The following KCTD16 variants were observed in gnomAD, a reference collection of about 807,000 sequenced individuals.
The protein encoded by KCTD16 is BTB/POZ domain-containing protein KCTD16.
KCTD16 carries 13 observed loss-of-function variants against 33.2 expected under a neutral mutation model. The observed-to-expected ratio is 0.39, with a 90% CI of 0.25 to 0.62. The LOEUF is 0.62. Ranked by LOEUF, KCTD16 falls within the 20% of genes least tolerant of loss-of-function variation. The pLI is 0.50. For synonymous variants in KCTD16, 197 were observed against 195.3 expected, an observed-to-expected ratio of 1.01 and a Z score of -0.07; for missense variants, 441 against 525.1, an observed-to-expected ratio of 0.84 and a Z score of 1.57.
At chr5:144,199,039 T>C (rs879517649) in intron 2 of KCTD16, among the ~76,000 whole-genome samples, 1 of 152,176 alleles carries the variant, frequency 6.6e-6, no homozygotes, top group Non-Finnish European at 1.5e-5. Context: ...CAAATTCCAT[T>C]TACACATATA....
chr5:144,275,240 G>A (rs544519816), intron 3 of KCTD16, among the ~76,000 whole-genome samples: 1 of 152,226 alleles, frequency 6.6e-6, no homozygotes, highest in South Asian at 2.1e-4. Flanking sequence ...CAGTGATCAG[G>A]TCTGGACAAC....
chr5:144,471,653 T>C (rs1042657721), intron 3 of KCTD16, among the ~76,000 whole-genome samples: 11 of 152,204 alleles, frequency 7.2e-5, no homozygotes, highest in Admixed American at 5.2e-4. Flanking sequence ...AAATGTATGC[T>C]GGCAGACAGA....
chr5:144,299,548 T>A (rs1231119294), intron 3 of KCTD16, among the ~76,000 whole-genome samples: 1 of 152,238 alleles, frequency 6.6e-6, no homozygotes, highest in South Asian at 2.1e-4. Flanking sequence ...TTGTTTTGTT[T>A]TGAGTATAGG....
chr5:144,297,064 C>T (rs938540918), intron 3 of KCTD16, among the ~76,000 whole-genome samples: 11 of 152,058 alleles, frequency 7.2e-5, no homozygotes, highest in South Asian at 4.1e-4. Flanking sequence ...GTGCTTTAAA[C>T]GTAATAGGAA....
chr5:144,360,352 T>C (rs1350348255), intron 3 of KCTD16, among the ~76,000 whole-genome samples: 1 of 152,172 alleles, frequency 6.6e-6, no homozygotes, highest in Non-Finnish European at 1.5e-5. Context: ...CATGCGGTGT[T>C]TGATTTTCTG....
chr5:144,458,177 C>A (rs1418121546), intron 3 of KCTD16, among the ~76,000 whole-genome samples: 1 of 152,162 alleles, frequency 6.6e-6, no homozygotes, highest in Non-Finnish European at 1.5e-5. Context: ...AGAGCACTTT[C>A]CATTTATTTC....
At chr5:144,456,338 T>C (rs1176269678) in intron 3 of KCTD16, among the ~76,000 whole-genome samples, 6 of 152,144 alleles carry the variant, frequency 3.9e-5, no homozygotes, top group African/African-American at 1.4e-4. Context: ...AGAAAATACA[T>C]ACATGCTTTT....
chr5:144,310,394 C>T lies in KCTD16; in HGVS notation c.832+102848C>T, dbSNP rs535565331. Reference sequence around the variant, plus strand: ...AGGTGTCCCTTTGATATACTGATTTCTTTCCCTTTGGACAAATACCCAGTA... The same window carrying T: ...AGGTGTCCCTTTGATATACTGATTTTTTTCCCTTTGGACAAATACCCAGTA... On this transcript the variant is annotated intron_variant, in intron 3 of 3. Transcript: ENST00000512467. Among the ~76,000 whole-genome samples, 12 of 152,154 alleles carry T rather than the reference C, an allele frequency of 7.9e-5. No homozygotes were observed. The Middle Eastern group carries it at 0.01, about 129-fold the overall frequency.
At chr5:144,403,703 T>C (rs1389068462) in intron 3 of KCTD16, among the ~76,000 whole-genome samples, 1 of 152,176 alleles carries the variant, frequency 6.6e-6, no homozygotes, top group Non-Finnish European at 1.5e-5. Flanking sequence ...AGACAATATA[T>C]TCACAGATTC....
At chr5:144,373,158 A>G (rs536489073) in intron 3 of KCTD16, among the ~76,000 whole-genome samples, 7 of 152,214 alleles carry the variant, frequency 4.6e-5, no homozygotes, top group African/African-American at 1.4e-4. Flanking sequence ...GAAATATTTG[A>G]CAGACAGGAA....
intron 3 of KCTD16, among the ~76,000 whole-genome samples, chr5:144,416,688 A>G (rs1753061812): frequency 6.6e-6 from 1 of 152,170 alleles, no homozygotes; most frequent in Admixed American, 6.5e-5. Context: ...ATATTGTCAT[A>G]ATTTTGCCCA....
chr5:144,261,940 C>T (rs527336526), intron 3 of KCTD16, among the ~76,000 whole-genome samples: 1 of 152,180 alleles, frequency 6.6e-6, no homozygotes, highest in South Asian at 2.1e-4. Context: ...CTTATTTTCT[C>T]TCAAACTCTT....
At chr5:144,257,437 A>G (rs536972119) in intron 3 of KCTD16, among the ~76,000 whole-genome samples, 1 of 152,300 alleles carries the variant, frequency 6.6e-6, no homozygotes, top group Non-Finnish European at 1.5e-5. Context: ...AATTCCAAAC[A>G]ATGGTGTTTG....
In KCTD16 at chr5:144,460,740, A is replaced by G. The variant is rs1339805282; in HGVS notation, c.833-12920A>G. On this transcript the variant is annotated intron_variant, in intron 3 of 3. Transcript: ENST00000512467. Reference sequence around the variant, plus strand: ...AGGCATGAGTCATTGCACCAGGCCCATCTTTCTTACTAGAATGTAAAATCC... The same window carrying G: ...AGGCATGAGTCATTGCACCAGGCCCGTCTTTCTTACTAGAATGTAAAATCC... Among the ~76,000 whole-genome samples, 6 of 152,184 alleles carry G rather than the reference A, an allele frequency of 3.9e-5. No individual in the cohort carries two copies. The East Asian group carries it at 9.6e-4, about 24-fold the overall frequency.
Position 144,206,656 on chromosome 5 carries a change from C to T in KCTD16, c.-59C>T. The T allele has an allele frequency of 7.2e-7, 1 of 1,390,942 alleles. No individual in the cohort carries two copies. Among genetic ancestry groups the T allele is most frequent in the Admixed American group, 1.9e-5 (1 of 53,142 alleles). 86.2% of individuals were successfully genotyped at this position (1,390,942 alleles called of 1,614,324 possible). ...TTACAAGTTGATCCAAAGGATAAGG[C>T]TGTGACTCCATTGGATTGCACCTTT... On this transcript the variant is annotated 5_prime_UTR_variant, in exon 3 of 4. Coordinates refer to ENST00000512467, the MANE Select transcript of KCTD16 (RefSeq NM_020768.4).
chr5:144,442,431 TTTC>T (rs2126978219), intron 3 of KCTD16, among the ~76,000 whole-genome samples: 1 of 142,608 alleles, frequency 7.0e-6, no homozygotes, highest in South Asian at 2.2e-4. Context: ...TTCTTTTTCT[TTTC>T]TTTTCTCTTT....
At chr5:144,223,577 A>G (rs1753832313) in intron 3 of KCTD16, among the ~76,000 whole-genome samples, 1 of 146,468 alleles carries the variant, frequency 6.8e-6, no homozygotes, top group African/African-American at 2.5e-5. Flanking sequence ...CTAGCCAAAC[A>G]GATTAAAACA....
chr5:144,341,602 A>T (rs1752647152), intron 3 of KCTD16, among the ~76,000 whole-genome samples: 1 of 152,210 alleles, frequency 6.6e-6, no homozygotes, highest in Non-Finnish European at 1.5e-5. Context: ...TCAAAAGAGT[A>T]TTCATTGTTG....
intron 2 of KCTD16, among the ~76,000 whole-genome samples, chr5:144,175,613 T>C (rs927427249): frequency 1.3e-5 from 2 of 152,210 alleles, no homozygotes; most frequent in Non-Finnish European, 2.9e-5. Context: ...TGCATAGTAG[T>C]TAAGGGTAGA....
Sources: allele counts gnomAD v4.1 joint callset (sites outside exome capture counted in the v4.1 genomes callset), GRCh38; gene constraint gnomAD v4.1.1; transcripts MANE v1.5; gene names NCBI Gene and HGNC (gene_info 2026-07-23, HGNC 2026-07-21).